The following BPTF variants were observed in gnomAD, a reference collection of about 807,000 sequenced individuals.
The protein encoded by BPTF is nucleosome-remodeling factor subunit BPTF.
In BPTF, 18 loss-of-function variants were observed where a neutral mutation model predicts 292.5. The ratio of observed to expected loss-of-function variants is 0.06; its 90% CI spans 0.04 to 0.09. BPTF has a LOEUF of 0.09. BPTF is among the 10% of genes least tolerant of loss of function. The pLI is 1.00. For synonymous variants in BPTF, 1,225 were observed against 1,251.9 expected (o/e 0.98, Z 0.45); for missense variants, 2,726 against 3,498.7 (o/e 0.78, Z 5.57).
At chr17:67,936,365 T>C (rs2064916646) in intron 18 of BPTF, among the ~76,000 whole-genome samples, 1 of 152,166 alleles carries the variant, frequency 6.6e-6, no homozygotes, top group African/African-American at 2.4e-5. Flanking sequence ...AGAGAACTAA[T>C]ATAAAGGAGA....
At chr17:67,849,526 T>A (rs1221347336) in intron 1 of BPTF, among the ~76,000 whole-genome samples, 1 of 152,242 alleles carries the variant, frequency 6.6e-6, no homozygotes, top group Non-Finnish European at 1.5e-5. Flanking sequence ...TGGAATTTCA[T>A]CTAATGTGTA....
chr17:67,904,634 A>AT, intron 8 of BPTF, 68 bp from the exon 9 acceptor site: 2 of 1,193,840 alleles, frequency 1.7e-6, no homozygotes, highest in Non-Finnish European at 2.3e-6. Flanking sequence ...AAAAATGCAT[A>AT]AAACCACATG....
At chr17:67,922,097 A>G (rs766550252) in intron 13 of BPTF, among the ~76,000 whole-genome samples, 1 of 152,072 alleles carries the variant, frequency 6.6e-6, no homozygotes, top group East Asian at 1.9e-4. Context: ...GCAGAGACAC[A>G]GATGGGAGAT....
intron 3 of BPTF, among the ~76,000 whole-genome samples, chr17:67,867,125 C>T (rs1184725387): frequency 6.6e-6 from 1 of 152,190 alleles, no homozygotes; most frequent in East Asian, 1.9e-4. Flanking sequence ...TACTTTAGTT[C>T]TCCATATTTC....
chr17:67,875,686 C>T lies in BPTF; in HGVS notation c.1864+666C>T, dbSNP rs756807027. ...CTGTGGGGTGTCTCTCAGAAACCCC[C>T]GATAGCAGCAACATGGCAGAGAAGA... On this transcript the variant is annotated intron_variant, in intron 4 of 27. Coordinates refer to ENST00000306378, the MANE Select transcript of BPTF (RefSeq NM_182641.4). The T allele has an allele frequency of 2.1e-5, 34 of 1,606,662 alleles. No homozygotes were observed. The highest frequency in any genetic ancestry group is 3.3e-4 in the Middle Eastern group (2 of 6,036).
Position 67,964,729 on chromosome 17 carries a change from G to A in BPTF, c.8454+325G>A, listed in dbSNP as rs538551634. 2.6e-4 allele frequency among the ~76,000 whole-genome samples: 40 copies of A among 152,260 alleles called. No individual in the cohort carries two copies. The South Asian group carries it at 3.5e-3, about 13-fold the overall frequency. ...ATTATAGTTGTTCTTGGCCGGGCAT[G>A]GTGGCTCATGCCTGTAATCCCAGCA... On this transcript the variant is annotated intron_variant, in intron 25 of 27. Transcript: ENST00000306378.
At chr17:67,907,358 C>CTTTTT (rs752361872) in intron 9 of BPTF, among the ~76,000 whole-genome samples, 18 of 135,154 alleles carry the variant, frequency 1.3e-4, no homozygotes, top group Non-Finnish European at 2.6e-4. Context: ...AAGTTTATCA[C>CTTTTT]TTTTTTTTTT....
intron 23 of BPTF, among the ~76,000 whole-genome samples, chr17:67,952,339 C>T (rs1366200486): frequency 2.0e-5 from 3 of 146,872 alleles, no homozygotes; most frequent in Non-Finnish European, 4.5e-5. Context: ...TCTCCGTTCA[C>T]TGCAACCTCT....
intron 1 of BPTF, among the ~76,000 whole-genome samples, chr17:67,837,989 G>C (rs1021262779): frequency 5.3e-5 from 8 of 152,158 alleles, no homozygotes; most frequent in African/African-American, 1.9e-4. Flanking sequence ...AGTCATTCTT[G>C]TGTGGACCTC....
At chr17:67,856,587 A>G (rs555398225) in intron 2 of BPTF, among the ~76,000 whole-genome samples, 28 of 152,214 alleles carry the variant, frequency 1.8e-4, no homozygotes, top group African/African-American at 6.7e-4. Context: ...TAACCATTGG[A>G]TGATTTTCAT....
chr17:67,893,944 A>G, intron 6 of BPTF, 90 bp from the exon 7 acceptor site: 1 of 1,478,610 alleles, frequency 6.8e-7, no homozygotes, highest in Admixed American at 1.9e-5. Flanking sequence ...TTATACCTGG[A>G]ATCAGATGGA....
chr17:67,899,865 G>A (rs992670958), intron 7 of BPTF, among the ~76,000 whole-genome samples: 3 of 151,986 alleles, frequency 2.0e-5, no homozygotes, highest in Non-Finnish European at 2.9e-5. Context: ...TATACAGTTT[G>A]GGATGCACAC....
chr17:67,969,960 G>A (rs940472878), intron 26 of BPTF, among the ~76,000 whole-genome samples: 3 of 152,056 alleles, frequency 2.0e-5, no homozygotes, highest in Non-Finnish European at 4.4e-5. Context: ...ATGGCTGGGC[G>A]CAGTGGCTCA....
rs139607948 is a variant in BPTF at position 67,834,939 on chromosome 17, G to A, written c.613+8602G>A. 2.2e-4 allele frequency among the ~76,000 whole-genome samples: 33 copies of A among 152,322 alleles called. 1 individual carries two copies. The South Asian group carries it at 4.8e-3, about 22-fold the overall frequency. ...TTAATTAAAACTAGGCAGGCCAAGC[G>A]TGGTGGCTCATACCTGTAGTCCCAA... On this transcript the variant is annotated intron_variant, in intron 1 of 27. Transcript: ENST00000306378.
intron 21 of BPTF, 66 bp downstream of exon 21, chr17:67,946,391 G>GTGCTGTGC: frequency 6.5e-7 from 1 of 1,545,988 alleles, no homozygotes. Flanking sequence ...AGTAGAATTA[G>GTGCTGTGC]TGTTTGGTTG....
At chr17:67,874,204 C>T (rs548543658) in intron 3 of BPTF, among the ~76,000 whole-genome samples, 34 of 152,218 alleles carry the variant, frequency 2.2e-4, no homozygotes, top group Non-Finnish European at 4.0e-4. Flanking sequence ...TTCTGTATCC[C>T]GTGGTCTATA....
chr17:67,950,315 CTAA>C (rs2066227787), intron 23 of BPTF, among the ~76,000 whole-genome samples: 1 of 151,390 alleles, frequency 6.6e-6, no homozygotes, highest in Non-Finnish European at 1.5e-5. Flanking sequence ...ATTAACCAGA[CTAA>C]TAATACTACC....
chr17:67,925,186 T>C (rs867171424), intron 15 of BPTF, among the ~76,000 whole-genome samples: 2 of 152,118 alleles, frequency 1.3e-5, no homozygotes, highest in African/African-American at 4.8e-5. Flanking sequence ...AAATAAGATT[T>C]CTATTATTTA....
In BPTF at chr17:67,860,883, A is replaced by G. The variant is rs143356860; in HGVS notation, c.1437-5581A>G. Reference sequence around the variant, plus strand: ...TTTAAACAGCATTTTAAAAATCTGTATTCATTTTCCGAATCAACTAAACTA... The same window carrying G: ...TTTAAACAGCATTTTAAAAATCTGTGTTCATTTTCCGAATCAACTAAACTA... On this transcript the variant is annotated intron_variant, in intron 2 of 27. Transcript: ENST00000306378. 2.4e-4 allele frequency among the ~76,000 whole-genome samples: 36 copies of G among 152,328 alleles called. No individual in the cohort carries two copies. The East Asian group carries it at 5.8e-3, about 24-fold the overall frequency.
Sources: allele counts gnomAD v4.1 joint callset (sites outside exome capture counted in the v4.1 genomes callset), GRCh38; gene constraint gnomAD v4.1.1; transcripts MANE v1.5; gene names NCBI Gene and HGNC (gene_info 2026-07-23, HGNC 2026-07-21).